The following HIBCH variants were observed in gnomAD, a reference collection of about 807,000 sequenced individuals.
The protein encoded by HIBCH is 3-hydroxyisobutyryl-CoA hydrolase, mitochondrial.
Under a neutral mutation model 58.2 loss-of-function variants are expected in HIBCH, and 50 were observed. The observed-to-expected ratio is 0.86, with a 90% CI of 0.68 to 1.09. The LOEUF is 1.09. Ranked by LOEUF, HIBCH falls within the 50% of genes least tolerant of loss-of-function variation. The pLI, the probability that HIBCH is intolerant of heterozygous loss-of-function variation, is 0.00. For missense variants in HIBCH, 450 were observed against 449.7 expected, an observed-to-expected ratio of 1.00 and a Z score of -0.01; for synonymous variants, 151 against 146.9, an observed-to-expected ratio of 1.03 and a Z score of -0.20.
At chr2:190,294,435 T>A in intron 4 of HIBCH, 111 bp downstream of exon 4, 2 of 749,942 alleles carry the variant, frequency 2.7e-6, no homozygotes, top group Non-Finnish European at 4.6e-6. Context: ...AACTTTATAA[T>A]AAAAAGTTCT....
At chr2:190,251,625 A>G (rs1559034533) in intron 8 of HIBCH, 10 of 402,984 alleles carry the variant, frequency 2.5e-5, no homozygotes, top group Admixed American at 6.1e-5. Flanking sequence ...CAAACTATCT[A>G]TATATTCTTT....
intron 11 of HIBCH, among the ~76,000 whole-genome samples, chr2:190,233,108 T>G (rs562743245): frequency 6.6e-5 from 10 of 152,286 alleles, no homozygotes; most frequent in Non-Finnish European, 7.3e-5. Flanking sequence ...GCTTCCAATA[T>G]TGTTGAGAAA....
intron 6 of HIBCH, among the ~76,000 whole-genome samples, chr2:190,287,058 G>GTGTGTGTA (rs10662510): frequency 0.012 from 1,804 of 147,748 alleles, 24 homozygotes; most frequent in African/African-American, 0.033. Context: ...GTGTGTGTGT[G>GTGTGTGTA]TATACATATA....
Position 190,207,328 on chromosome 2 carries a change from C to T in HIBCH, c.1045+1552G>A, listed in dbSNP as rs1690415719. On this transcript the variant is annotated intron_variant, in intron 13 of 13. Coordinates refer to ENST00000359678, the MANE Select transcript of HIBCH (RefSeq NM_014362.4). The surrounding 1 kb of genome is among the most constrained non-coding windows in gnomAD (Gnocchi z 4.5). ...TGTATGCTTACAGGTCCTCTAAAAT[C>T]AGAGTTCTAGGCTGTAATCCACATG... Among the ~76,000 whole-genome samples the T allele has an allele frequency of 6.6e-6, 1 of 152,132 alleles. No individual in the cohort carries two copies. Among genetic ancestry groups the T allele is most frequent in the Non-Finnish European group, 1.5e-5 (1 of 68,038 alleles).
intron 1 of HIBCH, among the ~76,000 whole-genome samples, chr2:190,193,687 C>T (rs1038703331): frequency 6.6e-6 from 1 of 152,030 alleles, no homozygotes; most frequent in Non-Finnish European, 1.5e-5. Flanking sequence ...TCATAATGCC[C>T]ATTACACATC....
At chr2:190,241,325 T>G (rs1363876369) in intron 11 of HIBCH, among the ~76,000 whole-genome samples, 4 of 152,230 alleles carry the variant, frequency 2.6e-5, no homozygotes, top group Non-Finnish European at 5.9e-5. Context: ...TTGGTAAATA[T>G]TCCTCCATCC....
chr2:190,225,403 A>T (rs930055318), intron 11 of HIBCH, among the ~76,000 whole-genome samples: 1 of 152,220 alleles, frequency 6.6e-6, no homozygotes, highest in Non-Finnish European at 1.5e-5. Context: ...AGATTAAAGA[A>T]TCAAATAGAC....
rs1488423594 is a variant in HIBCH at position 190,192,318 on chromosome 2, T to C, written c.*18-2321A>G. 3.9e-5 allele frequency among the ~76,000 whole-genome samples: 6 copies of C among 152,134 alleles called. No homozygotes were observed. The East Asian group carries it at 1.2e-3, about 29-fold the overall frequency. Reference sequence around the variant, plus strand: ...GTTTCATAGGTTTGTGGCTAGCCTTTTGTCAATATAGCACTAATTACTGTA... The same window carrying C: ...GTTTCATAGGTTTGTGGCTAGCCTTCTGTCAATATAGCACTAATTACTGTA... On this transcript the variant is annotated intron_variant, in intron 1 of 1. Coordinates refer to the HIBCH transcript ENST00000399855.
chr2:190,225,235 C>G (rs1333015380), intron 11 of HIBCH, among the ~76,000 whole-genome samples: 1 of 152,120 alleles, frequency 6.6e-6, no homozygotes, highest in South Asian at 2.1e-4. Context: ...CAAACACATT[C>G]AAAAGCTACC....
At chr2:190,249,873 T>G in intron 8 of HIBCH, 147 bp from the exon 9 acceptor site, 1 of 653,176 alleles carries the variant, frequency 1.5e-6, no homozygotes, top group East Asian at 2.8e-5. Flanking sequence ...AAATTTTGAC[T>G]TAAGTTGAAT....
intron 2 of HIBCH, among the ~76,000 whole-genome samples, chr2:190,297,674 A>G (rs1234167541): frequency 1.3e-5 from 2 of 152,196 alleles, no homozygotes; most frequent in Admixed American, 6.5e-5. Context: ...CTAATAAAAC[A>G]CCTGTAAGGA....
At position 190,290,487 on chromosome 2, in the gene HIBCH, TAGGAAGG is replaced by T. The variant is rs746612169; in HGVS notation, c.305-9_305-3del. The T allele has an allele frequency of 6.3e-7, 1 of 1,586,998 alleles. No homozygotes were observed. The highest frequency in any genetic ancestry group is 1.4e-5 in the African/African-American group (1 of 73,960). On this transcript the variant is annotated splice_polypyrimidine_tract_variant and splice_region_variant and intron_variant, in intron 4 of 13. Transcript: ENST00000359678. Reference sequence around the variant, plus strand: ...TTGCCTTTTCAGCTTCCGAGATCACTAGGAAGGAAAGATTACAAATAAAAAAAAAAAG... The same window carrying T: ...TTGCCTTTTCAGCTTCCGAGATCACTAAAGATTACAAATAAAAAAAAAAAG...
At chr2:190,312,392 G>C (rs974575334) in intron 1 of HIBCH, among the ~76,000 whole-genome samples, 38 of 152,234 alleles carry the variant, frequency 2.5e-4, no homozygotes, top group African/African-American at 9.2e-4. Flanking sequence ...TATGGAAAGA[G>C]GTCAAAGCTA....
chr2:190,208,818 T>G, intron 13 of HIBCH, 62 bp downstream of exon 13: 1 of 1,415,524 alleles, frequency 7.1e-7, no homozygotes, highest in Non-Finnish European at 1.0e-6. Context: ...TCTTCTTTAA[T>G]TAACAGCATA....
intron 2 of HIBCH, among the ~76,000 whole-genome samples, chr2:190,301,885 T>C (rs1595997): frequency 0.97 from 148,207 of 152,270 alleles, 72,167 homozygotes; most frequent in Admixed American, 0.98. Context: ...GTACTAATCC[T>C]GTGACAGTGG....
At chr2:190,247,119 A>G (rs1049747141) in intron 9 of HIBCH, among the ~76,000 whole-genome samples, 5 of 151,880 alleles carry the variant, frequency 3.3e-5, no homozygotes, top group Non-Finnish European at 7.4e-5. Context: ...TAAATTTCAC[A>G]TTATTACTAT....
At chr2:190,262,055 GCA>G (rs1013559479) in intron 6 of HIBCH, among the ~76,000 whole-genome samples, 1 of 151,484 alleles carries the variant, frequency 6.6e-6, no homozygotes, top group African/African-American at 2.4e-5. Flanking sequence ...AAAACACAGT[GCA>G]CAGTTGTCAG....
intron 2 of HIBCH, among the ~76,000 whole-genome samples, chr2:190,303,743 T>A (rs535924639): frequency 6.6e-6 from 1 of 152,230 alleles, no homozygotes; most frequent in Admixed American, 6.5e-5. Flanking sequence ...AAGCAGAGCA[T>A]GAAAGGGAAA....
At chr2:190,222,821 C>T (rs543938191) in intron 11 of HIBCH, among the ~76,000 whole-genome samples, 4 of 152,292 alleles carry the variant, frequency 2.6e-5, no homozygotes, top group South Asian at 2.1e-4. Context: ...CACATGCACA[C>T]GTATGTTTAT....
Sources: allele counts gnomAD v4.1 joint callset (sites outside exome capture counted in the v4.1 genomes callset), GRCh38; gene constraint gnomAD v4.1.1; non-coding constraint Gnocchi (gnomAD v3.1); transcripts MANE v1.5; gene names NCBI Gene and HGNC (gene_info 2026-07-23, HGNC 2026-07-21).